The following ARHGEF10 variants were observed in gnomAD, a reference collection of about 807,000 sequenced individuals.
ARHGEF10 encodes Rho guanine nucleotide exchange factor (GEF) 10.
A neutral mutation model predicts 147.4 loss-of-function variants in ARHGEF10; 140 were observed. The ratio of observed to expected loss-of-function variants is 0.95; its 90% CI spans 0.83 to 1.09. The LOEUF is 1.09. Ranked by LOEUF, ARHGEF10 falls within the 50% of genes least tolerant of loss-of-function variation. The pLI is 0.00. For missense variants in ARHGEF10, 2,222 were observed against 1,752.7 expected (o/e 1.27, Z -4.78); for synonymous variants, 902 against 695.8 (o/e 1.30, Z -4.67).
chr8:1,872,162 CTTT>C (rs912778412), intron 7 of ARHGEF10, among the ~76,000 whole-genome samples: 2 of 152,138 alleles, frequency 1.3e-5, no homozygotes, highest in Non-Finnish European at 2.9e-5. Context: ...CTATAAATAA[CTTT>C]TTATCAAAAA....
At chr8:1,841,964 C>CCGCGGCG (rs1563161858) in intron 1 of ARHGEF10, among the ~76,000 whole-genome samples, 2 of 38,088 alleles carry the variant, frequency 5.3e-5, no homozygotes, top group African/African-American at 3.3e-4. Context: ...GGGCCGCGAC[C>CCGCGGCG]GGAACTGGGG....
chr8:1,858,228 G>A (rs1246835417), intron 3 of ARHGEF10, 113 bp downstream of exon 3: 1 of 908,530 alleles, frequency 1.1e-6, no homozygotes, highest in Admixed American at 3.6e-5. Flanking sequence ...CCCCAGGTGA[G>A]TCCCCAGGTG....
rs751162102 is a variant in ARHGEF10 at position 1,957,000 on chromosome 8, T to G, written c.3772T>G (p.Ser1258Ala). ...GSMTQKSDLS[S>A]SSGSLSLSHG... ...GATGACTCAGAAAAGCGACCTGTCCTCCTCATCTGGGTCCCTGAGCTTGTC... is the reference window on the plus strand; with the variant it reads ...GATGACTCAGAAAAGCGACCTGTCCGCCTCATCTGGGTCCCTGAGCTTGTC... The change falls in exon 29 of 29, where the codon TCC becomes GCC. Residue 1258 changes from serine (S) to alanine (A), a missense_variant. Physicochemically the swap from Ser to Ala is moderately conservative, Grantham distance 99. Transcript: ENST00000349830. The G allele has an allele frequency of 3.1e-6, 5 of 1,613,982 alleles. No individual in the cohort carries two copies.
intron 26 of ARHGEF10, among the ~76,000 whole-genome samples, chr8:1,935,970 T>C (rs1813566175): frequency 6.6e-6 from 1 of 152,230 alleles, no homozygotes; most frequent in South Asian, 2.1e-4. Flanking sequence ...TGTCTGCTGT[T>C]AGTGGCCGTG....
intron 7 of ARHGEF10, among the ~76,000 whole-genome samples, chr8:1,873,654 G>A (rs1585343807): frequency 3.8e-5 from 3 of 79,546 alleles, no homozygotes; most frequent in African/African-American, 8.0e-5. Context: ...CTTGAGAGGT[G>A]CCGCGGGGTA....
chr8:1,826,593 G>A (rs1802787327), intron 1 of ARHGEF10, among the ~76,000 whole-genome samples: 3 of 152,186 alleles, frequency 2.0e-5, no homozygotes, highest in Non-Finnish European at 4.4e-5. Flanking sequence ...GTTGCTAGAA[G>A]GCGTTGTATG....
chr8:1,942,259 T>G (rs56370396), intron 26 of ARHGEF10, among the ~76,000 whole-genome samples: 2 of 149,276 alleles, frequency 1.3e-5, no homozygotes, highest in African/African-American at 2.5e-5. Flanking sequence ...CACTCTTAGA[T>G]CTTAATAAAA....
At chr8:1,891,591 CCTCT>C (rs1251774977) in intron 11 of ARHGEF10, among the ~76,000 whole-genome samples, 1 of 152,160 alleles carries the variant, frequency 6.6e-6, no homozygotes, top group Non-Finnish European at 1.5e-5. Flanking sequence ...GGCCTAGGAG[CCTCT>C]CTGATTGTCC....
intron 1 of ARHGEF10, among the ~76,000 whole-genome samples, chr8:1,825,314 T>C (rs1176091562): frequency 3.2e-3 from 11 of 3,452 alleles, no homozygotes; most frequent in Admixed American, 7.3e-3. Context: ...CCCCACCTGT[T>C]CCCCCGCACC....
In ARHGEF10 at chr8:1,957,687, A is replaced by G. The variant is rs982618790; in HGVS notation, c.*424A>G. On this transcript the variant is annotated 3_prime_UTR_variant, in exon 29 of 29. Coordinates refer to ENST00000349830, the MANE Select transcript of ARHGEF10 (RefSeq NM_014629.4). ...TGCAGGCATTTATTAACAATTCTTA[A>G]AAGTTTTACCTGATTCAGATTCACG... The G allele has an allele frequency of 1.8e-5, 3 of 163,560 alleles. No individual in the cohort carries two copies. The allele number at this position is 163,560 out of a possible 1,614,324, so 10.1% of individuals were successfully genotyped here. A position where few individuals can be genotyped will look rare whatever the true frequency, so the allele number is the denominator to read the frequency against.
At chr8:1,903,500 T>G in intron 16 of ARHGEF10, 49 bp downstream of exon 16, 1 of 1,606,018 alleles carries the variant, frequency 6.2e-7, no homozygotes, top group Non-Finnish European at 8.5e-7. Context: ...TTTTGCTTTG[T>G]GCTAATAAGC....
intron 1 of ARHGEF10, chr8:1,825,925 A>G: frequency 1.6e-6 from 1 of 615,250 alleles, no homozygotes; most frequent in South Asian, 2.0e-5. Context: ...TTGCTGATTA[A>G]TAATATGTTT....
intron 18 of ARHGEF10, among the ~76,000 whole-genome samples, chr8:1,921,199 C>T (rs779338557): frequency 6.6e-6 from 1 of 152,188 alleles, no homozygotes. Context: ...GTAATCATGT[C>T]TTCAACATAA....
intron 18 of ARHGEF10, among the ~76,000 whole-genome samples, chr8:1,917,585 T>C (rs1811852231): frequency 6.6e-6 from 1 of 152,110 alleles, no homozygotes; most frequent in Admixed American, 6.5e-5. Flanking sequence ...GGGATTTCCA[T>C]GGAAACAAGA....
At chr8:1,879,557 CTT>C (rs11396190) in intron 8 of ARHGEF10, among the ~76,000 whole-genome samples, 7 of 144,708 alleles carry the variant, frequency 4.8e-5, no homozygotes, top group Non-Finnish European at 3.0e-5. Context: ...ATTTATCTCT[CTT>C]TTTTTTTTTT....
At chr8:1,903,232 C>T (rs759166766) in intron 15 of ARHGEF10, 49 bp from the exon 16 acceptor site, 6 of 1,608,090 alleles carry the variant, frequency 3.7e-6, no homozygotes, top group Non-Finnish European at 4.3e-6. Context: ...TGTTGTTGCA[C>T]TGGGAGTGTC....
At position 1,957,039 on chromosome 8, in the gene ARHGEF10, T is replaced by G; in HGVS notation, c.3811T>G (p.Ser1271Ala). The G allele has an allele frequency of 6.2e-7, 1 of 1,613,864 alleles. No individual in the cohort carries two copies. Among genetic ancestry groups the G allele is most frequent in the Non-Finnish European group, 8.5e-7 (1 of 1,180,020 alleles). The stretch of plus-strand genomic sequence containing the variant: ...CCTGAGCTTGTCTCACGGCTCCAGC[T>G]CTCTAGAGCACAGATCAGAGGACAG... The part of the protein sequence containing the change: ...GSLSLSHGSS[S>A]LEHRSEDSTI... The change falls in exon 29 of 29, where the codon TCT becomes GCT. Residue 1271 changes from serine (S) to alanine (A), a missense_variant. Transcript: ENST00000349830.
Position 1,882,686 on chromosome 8 carries a change from A to G in ARHGEF10, c.1012A>G (p.Arg338Gly). 1 of 1,557,420 alleles carries G rather than the reference A, an allele frequency of 6.4e-7. No homozygotes were observed. The highest frequency in any genetic ancestry group is 8.7e-7 in the Non-Finnish European group (1 of 1,149,962). Residue 338 changes from arginine to glycine, a missense_variant, in exon 10 of 29, where the codon AGG becomes GGG. By Grantham distance (125) the Arg-to-Gly change is moderately radical. Transcript: ENST00000349830. The stretch of plus-strand genomic sequence containing the variant: ...GGACGGCACCAAGGACGGGCTGGAG[A>G]GGACCAGGGCAGCCGTGAAGAGGGG... ...AKDGTKDGLE[R>G]TRAAVKRGRS...
At chr8:1,903,209 C>A (rs954667358) in intron 15 of ARHGEF10, 72 bp from the exon 16 acceptor site, 7 of 1,562,910 alleles carry the variant, frequency 4.5e-6, no homozygotes, top group South Asian at 3.3e-5. Flanking sequence ...TGTCAGCTGG[C>A]GGGTGACGCG....
Sources: allele counts gnomAD v4.1 joint callset (sites outside exome capture counted in the v4.1 genomes callset), GRCh38; gene constraint gnomAD v4.1.1; transcripts MANE v1.5; gene names NCBI Gene and HGNC (gene_info 2026-07-23, HGNC 2026-07-21).